The following EFCAB6 variants were observed in gnomAD, a reference collection of about 807,000 sequenced individuals.
EFCAB6 encodes EF-hand calcium binding domain 6, also known as EF-hand calcium-binding domain-containing protein 6.
EFCAB6 carries 156 observed loss-of-function variants against 169.8 expected under a neutral mutation model. The observed-to-expected ratio is 0.92, with a 90% CI of 0.81 to 1.05. The LOEUF (loss-of-function observed/expected upper bound fraction) is 1.05. Among genes scored for constraint, EFCAB6 ranks in the 50% least tolerant of loss-of-function variants. EFCAB6 has a pLI of 0.00. For missense variants in EFCAB6, 1,800 were observed against 1,829.1 expected, an observed-to-expected ratio of 0.98 and a Z score of 0.29; for synonymous variants, 698 against 676.4, an observed-to-expected ratio of 1.03 and a Z score of -0.50.
At chr22:43,649,105 A>AG (rs34631632) in intron 17 of EFCAB6, among the ~76,000 whole-genome samples, 1 of 152,214 alleles carries the variant, frequency 6.6e-6, no homozygotes, top group African/African-American at 2.4e-5. Flanking sequence ...ACAGAGCCCG[A>AG]GGGGGAAAAA....
chr22:43,670,527 C>A (rs746945856), intron 15 of EFCAB6, among the ~76,000 whole-genome samples: 3 of 152,196 alleles, frequency 2.0e-5, no homozygotes, highest in Non-Finnish European at 4.4e-5. Context: ...CTTAATAAAT[C>A]GCAGCTGTAA....
At chr22:43,555,874 G>A (rs1235659923) in intron 26 of EFCAB6, among the ~76,000 whole-genome samples, 2 of 152,250 alleles carry the variant, frequency 1.3e-5, no homozygotes, top group Admixed American at 1.3e-4. Flanking sequence ...TGGCTGTGGA[G>A]AAAGAGAGAC....
chr22:43,549,653 GA>G (rs1204116510), intron 27 of EFCAB6, among the ~76,000 whole-genome samples: 1 of 152,214 alleles, frequency 6.6e-6, no homozygotes, highest in East Asian at 1.9e-4. Flanking sequence ...TGGAAAAACA[GA>G]AAAAGGGGAT....
intron 2 of EFCAB6, among the ~76,000 whole-genome samples, chr22:43,806,482 G>C (rs909929136): frequency 1.3e-5 from 2 of 152,090 alleles, no homozygotes; most frequent in African/African-American, 2.4e-5. Context: ...CTGGGCTCAA[G>C]TGATTCTCCC....
At chr22:43,713,104 A>T (rs1403631432) in intron 9 of EFCAB6, among the ~76,000 whole-genome samples, 1 of 152,114 alleles carries the variant, frequency 6.6e-6, no homozygotes, top group Non-Finnish European at 1.5e-5. Context: ...CTTAAATCTA[A>T]ATGAGGTCCC....
intron 13 of EFCAB6, among the ~76,000 whole-genome samples, chr22:43,673,212 GA>G (rs141307156): frequency 0.083 from 12,631 of 151,394 alleles, 660 homozygotes; most frequent in South Asian, 0.17. Context: ...GACTGGTGGA[GA>G]AAAAAAAACT....
chr22:43,662,149 C>A (rs1331837899), intron 17 of EFCAB6, among the ~76,000 whole-genome samples: 3 of 142,502 alleles, frequency 2.1e-5, no homozygotes, highest in African/African-American at 7.8e-5. Flanking sequence ...CAGAGTGAGA[C>A]TCCATTTCAA....
At chr22:43,547,497 T>C (rs970628378) in intron 27 of EFCAB6, among the ~76,000 whole-genome samples, 1 of 152,156 alleles carries the variant, frequency 6.6e-6, no homozygotes, top group Non-Finnish European at 1.5e-5. Flanking sequence ...CCCAGCACTT[T>C]GGGAGTCCGA....
intron 17 of EFCAB6, among the ~76,000 whole-genome samples, chr22:43,636,666 A>G (rs1456377098): frequency 6.9e-6 from 1 of 145,594 alleles, no homozygotes; most frequent in African/African-American, 2.6e-5. Flanking sequence ...GCTGGAGTGC[A>G]ACGGTGCTAC....
At chr22:43,591,111 GTT>G (rs67053426) in intron 23 of EFCAB6, among the ~76,000 whole-genome samples, 58 of 131,118 alleles carry the variant, frequency 4.4e-4, no homozygotes, top group Admixed American at 9.4e-4. Context: ...TTTGTTTTTT[GTT>G]TTTTTTTTTT....
intron 27 of EFCAB6, among the ~76,000 whole-genome samples, chr22:43,549,290 C>T (rs1024939039): frequency 5.3e-5 from 8 of 151,826 alleles, no homozygotes; most frequent in Non-Finnish European, 1.0e-4. Context: ...TTTGAAGAGA[C>T]TAACAAAATA....
chr22:43,608,813 G>A (rs1049325966), intron 21 of EFCAB6, among the ~76,000 whole-genome samples: 1 of 152,118 alleles, frequency 6.6e-6, no homozygotes, highest in Non-Finnish European at 1.5e-5. Flanking sequence ...GGTCGGAAGG[G>A]GGTGGTTTCT....
intron 13 of EFCAB6, among the ~76,000 whole-genome samples, chr22:43,673,492 C>T (rs770304344): frequency 6.6e-6 from 1 of 152,122 alleles, no homozygotes; most frequent in Non-Finnish European, 1.5e-5. Context: ...AATTAGATAG[C>T]AGGCCAGGCA....
At chr22:43,554,159 A>G (rs2048553412) in intron 27 of EFCAB6, 1 of 152,546 alleles carries the variant, frequency 6.6e-6, no homozygotes, top group Non-Finnish European at 1.5e-5. Flanking sequence ...GGCTGGTGGG[A>G]ACAGAGGAAA....
intron 10 of EFCAB6, among the ~76,000 whole-genome samples, chr22:43,706,314 T>G (rs1417995890): frequency 6.6e-6 from 1 of 152,240 alleles, no homozygotes; most frequent in East Asian, 1.9e-4. Context: ...CTCTCACCTT[T>G]TCATAGAAGC....
intron 20 of EFCAB6, among the ~76,000 whole-genome samples, chr22:43,624,879 G>A (rs1030597808): frequency 5.9e-5 from 9 of 152,096 alleles, no homozygotes; most frequent in South Asian, 2.1e-4. Flanking sequence ...TGCACTTTGC[G>A]GTTGAAATTT....
intron 2 of EFCAB6, among the ~76,000 whole-genome samples, chr22:43,788,046 G>A (rs1384902871): frequency 6.6e-6 from 1 of 152,122 alleles, no homozygotes; most frequent in Non-Finnish European, 1.5e-5. Flanking sequence ...GAGTGAAGTT[G>A]GCCCCCTAGC....
intron 5 of EFCAB6, among the ~76,000 whole-genome samples, chr22:43,760,432 T>C (rs909413273): frequency 2.0e-5 from 3 of 152,220 alleles, no homozygotes; most frequent in Non-Finnish European, 4.4e-5. Flanking sequence ...TTGGTTTTGA[T>C]GTCTGCAGTT....
rs915209869 is a variant in EFCAB6 at position 43,738,458 on chromosome 22, ATCAC to A, written c.508-2469_508-2466del. On this transcript the variant is annotated intron_variant, in intron 6 of 31. Coordinates refer to ENST00000262726, the MANE Select transcript of EFCAB6 (RefSeq NM_022785.4). Reference sequence around the variant, plus strand: ...ATATGCACATATACTCACATACACCATCACTCACACACACATATATTCACACACA... The same window carrying A: ...ATATGCACATATACTCACATACACCATCACACACACATATATTCACACACA... Among the ~76,000 whole-genome samples, 29 of 143,844 alleles carry A rather than the reference ATCAC, an allele frequency of 2.0e-4. 1 individual carries two copies. The highest frequency in any genetic ancestry group is 4.3e-3 in the Middle Eastern group (1 of 234). 94.4% of individuals were successfully genotyped at this position (143,844 alleles called of 152,430 possible). A position where few individuals can be genotyped will look rare whatever the true frequency, so the allele number is the denominator to read the frequency against.
Sources: gnomAD v4.1 joint callset for allele counts (sites outside exome capture counted in the v4.1 genomes callset) on GRCh38, gnomAD v4.1.1 for gene constraint, MANE v1.5 for transcripts, NCBI Gene and HGNC (gene_info 2026-07-23, HGNC 2026-07-21) for gene names.